The following ZCCHC7 variants were observed in gnomAD, a reference collection of about 807,000 sequenced individuals.
The protein encoded by ZCCHC7 is zinc finger CCHC-type containing 7.
In ZCCHC7, 35 loss-of-function variants were observed where a neutral mutation model predicts 52.0. That is an observed-to-expected ratio of 0.67 (90% CI 0.51 to 0.89). The LOEUF (loss-of-function observed/expected upper bound fraction) is 0.89, where lower values mean the gene tolerates loss of function less well. ZCCHC7 is among the 40% of genes least tolerant of loss of function. The pLI is 0.00. For missense variants in ZCCHC7, 574 were observed against 649.1 expected (o/e 0.88, Z 1.26); for synonymous variants, 217 against 221.5 (o/e 0.98, Z 0.18).
intron 2 of ZCCHC7, among the ~76,000 whole-genome samples, chr9:37,285,023 ATTCT>A (rs914130558): frequency 1.3e-5 from 2 of 152,042 alleles, no homozygotes; most frequent in Non-Finnish European, 2.9e-5. Flanking sequence ...TAAGTGTTTC[ATTCT>A]TTCTAGCATG....
At chr9:37,339,840 T>C (rs1013456631) in intron 6 of ZCCHC7, among the ~76,000 whole-genome samples, 18 of 152,182 alleles carry the variant, frequency 1.2e-4, no homozygotes, top group African/African-American at 4.1e-4. Flanking sequence ...TGATTACATA[T>C]CGTATATAGT....
intron 2 of ZCCHC7, among the ~76,000 whole-genome samples, chr9:37,255,663 C>G (rs1826553398): frequency 6.6e-6 from 1 of 152,046 alleles, no homozygotes; most frequent in Non-Finnish European, 1.5e-5. Context: ...GCTACTTTGG[C>G]AGGAAAGATT....
At position 37,125,116 on chromosome 9, in the gene ZCCHC7, C is replaced by T. The variant is rs199502109; in HGVS notation, c.-21-1196C>T. ...TCCACCCGCCTTGGCCTCCCAAAGT[C>T]CTGGGATTACAGGCGTGAGCCACTG... On this transcript the variant is annotated intron_variant, in intron 1 of 8. Transcript: ENST00000336755. Among the ~76,000 whole-genome samples the T allele has an allele frequency of 4.2e-4, 64 of 151,694 alleles. 1 individual carries two copies. The East Asian group carries it at 0.011, about 27-fold the overall frequency.
At chr9:37,235,456 T>TCTTTCCTTC (rs1160424351) in intron 2 of ZCCHC7, among the ~76,000 whole-genome samples, 13 of 151,236 alleles carry the variant, frequency 8.6e-5, no homozygotes, top group East Asian at 1.9e-4. Context: ...TTCTTTCCTT[T>TCTTTCCTTC]CTTTCCTTCC....
At chr9:37,171,286 C>T (rs566624573) in intron 2 of ZCCHC7, among the ~76,000 whole-genome samples, 2 of 152,182 alleles carry the variant, frequency 1.3e-5, no homozygotes, top group East Asian at 3.9e-4. Flanking sequence ...TGGAGAGAAC[C>T]AAGGTGGCAG....
intron 2 of ZCCHC7, among the ~76,000 whole-genome samples, chr9:37,271,703 G>A (rs1264509482): frequency 6.6e-6 from 1 of 152,100 alleles, no homozygotes; most frequent in Admixed American, 6.5e-5. Context: ...CTGAGTAGCT[G>A]GGACTGTGGG....
At chr9:37,211,973 G>GCC (rs993518530) in intron 2 of ZCCHC7, among the ~76,000 whole-genome samples, 3 of 134,182 alleles carry the variant, frequency 2.2e-5, no homozygotes, top group Non-Finnish European at 4.6e-5. Context: ...CTTGCAGTGA[G>GCC]CCGAGATGGC....
chr9:37,347,960 T>G (rs1157321732), intron 6 of ZCCHC7, among the ~76,000 whole-genome samples: 2 of 152,234 alleles, frequency 1.3e-5, no homozygotes, highest in Non-Finnish European at 2.9e-5. Context: ...TTCCCTTCTA[T>G]GTCCATTTCA....
chr9:37,162,813 C>T (rs1821179250), intron 2 of ZCCHC7, among the ~76,000 whole-genome samples: 1 of 152,188 alleles, frequency 6.6e-6, no homozygotes, highest in Admixed American at 6.5e-5. Context: ...TGGCTCATGC[C>T]TGTCATCTCA....
At chr9:37,225,284 A>T (rs1326955485) in intron 2 of ZCCHC7, among the ~76,000 whole-genome samples, 1 of 152,214 alleles carries the variant, frequency 6.6e-6, no homozygotes, top group Non-Finnish European at 1.5e-5. Flanking sequence ...AAATGGTCTT[A>T]TTAAAGAAGG....
chr9:37,155,308 C>T (rs1015182110), intron 2 of ZCCHC7, among the ~76,000 whole-genome samples: 1 of 151,948 alleles, frequency 6.6e-6, no homozygotes, highest in Non-Finnish European at 1.5e-5. Flanking sequence ...TTTCAGTGAG[C>T]CACCACTGCA....
rs1000429647 is a variant in ZCCHC7, at chr9:37,327,697, T to C, written c.952-102T>C. 1.7e-5 allele frequency: 22 copies of C among 1,274,728 alleles called. No individual in the cohort carries two copies. In the African/African-American group the frequency reaches 2.5e-4, roughly 15 times the overall value. 79.0% of individuals were successfully genotyped at this position (1,274,728 alleles called of 1,614,324 possible). A position where few individuals can be genotyped will look rare whatever the true frequency, so the allele number is the denominator to read the frequency against. Reference sequence around the variant, plus strand: ...GACCCTTTCTGTTAAGCTTCTTATTTTCCTGTGACCGACACCGGTGGATGC... The same window carrying C: ...GACCCTTTCTGTTAAGCTTCTTATTCTCCTGTGACCGACACCGGTGGATGC... On this transcript the variant is annotated intron_variant, in intron 5 of 8. Transcript: ENST00000336755.
rs895988622 is a variant in ZCCHC7, at chr9:37,142,344, T to A, written c.610+15402T>A. ...GTGTCTAAAATGCTCTTTCTGCATA[T>A]CTGTTAAGGACTTTGGGAATTGGGG... On this transcript the variant is annotated intron_variant, in intron 2 of 8. Transcript: ENST00000336755. Among the ~76,000 whole-genome samples, 27 of 151,780 alleles carry A rather than the reference T, an allele frequency of 1.8e-4. 1 individual carries two copies. Among genetic ancestry groups the A allele is most frequent in the African/African-American group, 6.0e-4 (25 of 41,420 alleles).
chr9:37,164,084 C>A (rs1206713521), intron 2 of ZCCHC7, among the ~76,000 whole-genome samples: 1 of 149,450 alleles, frequency 6.7e-6, no homozygotes, highest in Non-Finnish European at 1.5e-5. Context: ...AATCCTCCAA[C>A]TTTTTTTTTT....
intron 6 of ZCCHC7, among the ~76,000 whole-genome samples, chr9:37,334,456 A>C (rs1439256053): frequency 6.6e-6 from 1 of 151,964 alleles, no homozygotes; most frequent in Non-Finnish European, 1.5e-5. Flanking sequence ...CTGCAGGAAA[A>C]GACTCCTTGA....
intron 1 of ZCCHC7, among the ~76,000 whole-genome samples, chr9:37,125,876 C>G (rs1202809411): frequency 1.3e-5 from 2 of 152,108 alleles, no homozygotes; most frequent in Non-Finnish European, 2.9e-5. Context: ...GTTTAGATAC[C>G]CAAATACCAT....
At chr9:37,318,576 A>G (rs987794227) in intron 5 of ZCCHC7, among the ~76,000 whole-genome samples, 18 of 152,220 alleles carry the variant, frequency 1.2e-4, no homozygotes, top group African/African-American at 3.9e-4. Context: ...TTAGACTTCT[A>G]TATATATGTG....
chr9:37,293,197 A>G (rs1165430337), intron 2 of ZCCHC7, among the ~76,000 whole-genome samples: 1 of 152,204 alleles, frequency 6.6e-6, no homozygotes, highest in Non-Finnish European at 1.5e-5. Context: ...GAGCCTGAAC[A>G]TGTTTGATCT....
At chr9:37,293,709 C>T (rs1316356068) in intron 2 of ZCCHC7, among the ~76,000 whole-genome samples, 1 of 152,034 alleles carries the variant, frequency 6.6e-6, no homozygotes, top group East Asian at 1.9e-4. Context: ...ATTTGAGGGT[C>T]ATTTTAAATT....
Sources: allele counts gnomAD v4.1 joint callset (sites outside exome capture counted in the v4.1 genomes callset), GRCh38; gene constraint gnomAD v4.1.1; transcripts MANE v1.5; gene names NCBI Gene and HGNC (gene_info 2026-07-23, HGNC 2026-07-21).